Variants in IL1R2 observed in about 807,000 individuals in gnomAD.
IL1R2 encodes the protein interleukin-1 receptor type 2.
In IL1R2, 46 loss-of-function variants were observed where a neutral mutation model predicts 39.5. That is an observed-to-expected ratio of 1.16 (90% confidence interval 0.92 to 1.49). IL1R2 has a LOEUF of 1.49. Among genes scored for constraint, IL1R2 ranks in the 40% most tolerant of loss-of-function variants. The pLI, the probability that IL1R2 is intolerant of heterozygous loss-of-function variation, is 0.00. For missense variants in IL1R2, 537 were observed against 502.0 expected, an observed-to-expected ratio of 1.07 and a Z score of -0.67; for synonymous variants, 207 against 189.6, an observed-to-expected ratio of 1.09 and a Z score of -0.75.
At chr2:101,993,541 G>T (rs1675445074) in intron 1 of IL1R2, among the ~76,000 whole-genome samples, 1 of 152,012 alleles carries the variant, frequency 6.6e-6, no homozygotes, top group Admixed American at 6.5e-5. Flanking sequence ...CTGACTCCCA[G>T]ATCTCTCTGT....
chr2:101,995,110 T>C (rs1381040030), intron 1 of IL1R2, among the ~76,000 whole-genome samples: 1 of 152,162 alleles, frequency 6.6e-6, no homozygotes, highest in Non-Finnish European at 1.5e-5. Context: ...GGAAGTAATT[T>C]AGGTTCTCAA....
At chr2:102,014,128 T>C (rs916633940) in intron 3 of IL1R2, among the ~76,000 whole-genome samples, 2 of 152,184 alleles carry the variant, frequency 1.3e-5, no homozygotes, top group Non-Finnish European at 2.9e-5. Flanking sequence ...TTTCAATATG[T>C]CTACTAAGCT....
intron 1 of IL1R2, chr2:101,999,251 C>G (rs1675729838): frequency 6.6e-6 from 1 of 152,322 alleles, no homozygotes; most frequent in Admixed American, 6.5e-5. Flanking sequence ...ACTGATTACT[C>G]AAATATTTTA....
At chr2:102,008,146 G>A (rs1388256325) in intron 1 of IL1R2, among the ~76,000 whole-genome samples, 3 of 152,102 alleles carry the variant, frequency 2.0e-5, no homozygotes, top group African/African-American at 4.8e-5. Context: ...GGGAGGTGAG[G>A]GAGACCTCAC....
chr2:102,026,312 A>T, intron 8 of IL1R2, 59 bp downstream of exon 8: 1 of 1,256,638 alleles, frequency 8.0e-7, no homozygotes, highest in East Asian at 2.5e-5. Context: ...TGTTCCATGG[A>T]TACTAGACAA....
chr2:102,000,671 C>A (rs940407121), intron 1 of IL1R2, among the ~76,000 whole-genome samples: 2 of 152,114 alleles, frequency 1.3e-5, no homozygotes, highest in African/African-American at 4.8e-5. Context: ...TTCTGGAGGC[C>A]CCTCTAGCTC....
intron 6 of IL1R2, among the ~76,000 whole-genome samples, 189 bp downstream of exon 6, chr2:102,022,438 C>T (rs556131577): frequency 1.3e-5 from 2 of 152,274 alleles, no homozygotes; most frequent in South Asian, 2.1e-4. Context: ...TCCCTTTGGC[C>T]AGTTTGGTTA....
rs773241159 is a variant in IL1R2, at chr2:102,028,201, T to C, written c.1031-25T>C. 2.5e-6 allele frequency: 4 copies of C among 1,587,434 alleles called. No homozygotes were observed. In the African/African-American group the frequency reaches 5.4e-5, roughly 21 times the overall value. On this transcript the variant is annotated intron_variant, in intron 8 of 8. Coordinates refer to ENST00000332549, the MANE Select transcript of IL1R2 (RefSeq NM_004633.4). Reference sequence around the variant, plus strand: ...GTACAGTGAGAGACTGTTCAGCTCCTGATGTGACTCTGTTCTTCCCACAGC... The same window carrying C: ...GTACAGTGAGAGACTGTTCAGCTCCCGATGTGACTCTGTTCTTCCCACAGC...
rs372546149 is a variant in IL1R2, at chr2:102,019,623, A to G, written c.514-15A>G. The G allele has an allele frequency of 1.3e-6, 2 of 1,592,886 alleles. No individual in the cohort carries two copies. Among genetic ancestry groups the G allele is most frequent in the East Asian group, 2.2e-5 (1 of 44,772 alleles). Reference sequence around the variant, plus strand: ...ATTGGTATAATGTCAACTTAAAAAAACATTTTCCCTTAAGGATTCTCTTCT... The same window carrying G: ...ATTGGTATAATGTCAACTTAAAAAAGCATTTTCCCTTAAGGATTCTCTTCT... On this transcript the variant is annotated splice_polypyrimidine_tract_variant and intron_variant, in intron 4 of 8. Transcript: ENST00000332549.
chr2:101,995,853 A>C (rs1384649629), intron 1 of IL1R2, among the ~76,000 whole-genome samples: 1 of 152,224 alleles, frequency 6.6e-6, no homozygotes, highest in Non-Finnish European at 1.5e-5. Context: ...GTTTTGACAC[A>C]AGTGCCGGAG....
intron 1 of IL1R2, among the ~76,000 whole-genome samples, chr2:102,001,506 A>G (rs1028116693): frequency 6.6e-6 from 1 of 152,198 alleles, no homozygotes; most frequent in African/African-American, 2.4e-5. Flanking sequence ...TGACACAGCT[A>G]TGCAGACCAG....
intron 4 of IL1R2, 71 bp from the exon 5 acceptor site, chr2:102,019,567 G>A: frequency 1.9e-6 from 2 of 1,066,266 alleles, no homozygotes; most frequent in Non-Finnish European, 2.7e-6. Flanking sequence ...GGTTGATAAT[G>A]ATGATGTAAT....
chr2:101,993,979 C>T (rs765622781), intron 1 of IL1R2, among the ~76,000 whole-genome samples: 48 of 152,380 alleles, frequency 3.2e-4, no homozygotes, highest in Non-Finnish European at 5.0e-4. Flanking sequence ...ATGCCCATTT[C>T]ATCAGCTCTG....
At chr2:102,002,808 C>G (rs13028517) in intron 1 of IL1R2, among the ~76,000 whole-genome samples, 14 of 58,626 alleles carry the variant, frequency 2.4e-4, no homozygotes, top group African/African-American at 6.2e-4. Flanking sequence ...ATATCTATGT[C>G]TATGTCTGTG....
intron 1 of IL1R2, among the ~76,000 whole-genome samples, chr2:102,006,531 C>A (rs569556786): frequency 5.3e-5 from 8 of 152,306 alleles, no homozygotes; most frequent in Non-Finnish European, 1.0e-4. Context: ...CGCAATGCCG[C>A]CCTGGATTTA....
chr2:101,993,638 C>G lies in IL1R2; in HGVS notation c.-62+1627C>G, dbSNP rs1362968651. ...TCTGTCTCTACTTCTCTCTATGTCT[C>G]TGTTTCTCCCTATCTCTGTTCCTCT... On this transcript the variant is annotated intron_variant, in intron 1 of 8. Coordinates refer to ENST00000332549, the MANE Select transcript of IL1R2 (RefSeq NM_004633.4). 2.6e-5 allele frequency among the ~76,000 whole-genome samples: 4 copies of G among 152,296 alleles called. No homozygotes were observed. The East Asian group carries it at 7.7e-4, about 29-fold the overall frequency.
rs3218959 is a variant in IL1R2, at chr2:102,022,153, C to T, written c.689-34C>T. 30,966 of 1,566,084 alleles carry T rather than the reference C, an allele frequency of 0.02. 3,399 individuals are homozygous for T. The African/African-American group carries it at 0.29, about 15-fold the overall frequency. On this transcript the variant is annotated intron_variant, in intron 5 of 8. Transcript: ENST00000332549. ...ACCACAGCGTCAAATGAAGGCTTTC[C>T]TAACGGAATCTCTTTTCCTTACATC...
chr2:102,009,059 G>A (rs1468343860), intron 2 of IL1R2, among the ~76,000 whole-genome samples: 1 of 151,798 alleles, frequency 6.6e-6, no homozygotes, highest in Non-Finnish European at 1.5e-5. Flanking sequence ...TTAAAAAAAA[G>A]AAAAAAGAAA....
chr2:102,020,761 G>T (rs1472342310), intron 5 of IL1R2, among the ~76,000 whole-genome samples: 1 of 152,104 alleles, frequency 6.6e-6, no homozygotes, highest in Non-Finnish European at 1.5e-5. Flanking sequence ...GGACCGGCAC[G>T]GTCCTGTCTC....
Sources: gnomAD v4.1 joint callset for allele counts (sites outside exome capture counted in the v4.1 genomes callset) on GRCh38, gnomAD v4.1.1 for gene constraint, MANE v1.5 for transcripts, NCBI Gene and HGNC (gene_info 2026-07-23, HGNC 2026-07-21) for gene names.